Variants in CYSTM1 observed in about 807,000 individuals in gnomAD.
CYSTM1 encodes cysteine-rich transmembrane module-containing protein 1.
CYSTM1 carries 4 observed loss-of-function variants against 13.1 expected under a neutral mutation model. The ratio of observed to expected loss-of-function variants is 0.31; its 90% CI spans 0.15 to 0.70. CYSTM1 has a LOEUF of 0.70. Among genes scored for constraint, CYSTM1 ranks in the 30% least tolerant of loss-of-function variants. The pLI, the probability that CYSTM1 is intolerant of heterozygous loss-of-function variation, is 0.72. For missense variants in CYSTM1, 96 were observed against 121.6 expected (o/e 0.79, Z 0.99); for synonymous variants, 36 against 42.7 (o/e 0.84, Z 0.62).
chr5:140,228,640 G>C (rs1764587407), intron 2 of CYSTM1: 1 of 397,488 alleles, frequency 2.5e-6, no homozygotes, highest in Non-Finnish European at 4.4e-6. Context: ...AGTCTGCAGA[G>C]TGTGGTAAGT....
intron 2 of CYSTM1, among the ~76,000 whole-genome samples, chr5:140,212,983 G>GTGTGTATATATATATATA (rs1405430820): frequency 2.6e-5 from 3 of 114,302 alleles, no homozygotes; most frequent in South Asian, 3.6e-4. Flanking sequence ...CAAAACAAAA[G>GTGTGTATATATATATATA]TATATATATA....
At chr5:140,240,140 CCCAGAAAGGTGGTG>C (rs924942381) in intron 2 of CYSTM1, among the ~76,000 whole-genome samples, 39 of 152,032 alleles carry the variant, frequency 2.6e-4, no homozygotes, top group Non-Finnish European at 4.9e-4. Flanking sequence ...TACCAACGTG[CCCAGAAAGGTGGTG>C]CCTGTTACCA....
intron 1 of CYSTM1, among the ~76,000 whole-genome samples, chr5:140,180,311 A>G (rs937909895): frequency 4.6e-5 from 7 of 152,174 alleles, no homozygotes; most frequent in African/African-American, 1.7e-4. Flanking sequence ...TACAACATCC[A>G]TCTTTTAGAC....
intron 2 of CYSTM1, among the ~76,000 whole-genome samples, chr5:140,220,674 G>A (rs950124366): frequency 6.6e-6 from 1 of 152,146 alleles, no homozygotes; most frequent in Non-Finnish European, 1.5e-5. Context: ...AGGTGGGAAG[G>A]AGACTGAGCT....
chr5:140,233,571 G>T (rs137978785), intron 2 of CYSTM1, among the ~76,000 whole-genome samples: 1 of 152,328 alleles, frequency 6.6e-6, no homozygotes, highest in African/African-American at 2.4e-5. Flanking sequence ...CTTTTCCAAA[G>T]TGGCTTTGGC....
At chr5:140,197,221 C>T (rs1764169384) in intron 2 of CYSTM1, among the ~76,000 whole-genome samples, 1 of 152,134 alleles carries the variant, frequency 6.6e-6, no homozygotes, top group Non-Finnish European at 1.5e-5. Context: ...GGACTTTGTC[C>T]ACTGTTCATG....
At chr5:140,222,879 C>G (rs1764507659) in intron 2 of CYSTM1, among the ~76,000 whole-genome samples, 1 of 152,178 alleles carries the variant, frequency 6.6e-6, no homozygotes, top group African/African-American at 2.4e-5. Flanking sequence ...TTTCTTTGTT[C>G]TATTCTAATA....
chr5:140,241,369 A>G (rs545019091), intron 2 of CYSTM1, among the ~76,000 whole-genome samples: 1 of 152,316 alleles, frequency 6.6e-6, no homozygotes, highest in South Asian at 2.1e-4. Context: ...GGCGGTCATG[A>G]AGACTGAGTG....
chr5:140,183,713 C>T lies in CYSTM1; in HGVS notation c.-21+8428C>T, dbSNP rs192817679. Among the ~76,000 whole-genome samples, 419 of 152,324 alleles carry T rather than the reference C, an allele frequency of 2.8e-3. 1 individual carries two copies. Among genetic ancestry groups the T allele is most frequent in the South Asian group, 0.014 (69 of 4,830 alleles). The stretch of plus-strand genomic sequence containing the variant: ...CATTAGACAAGGGGCTGAGGCTTAC[C>T]TGTGGGGACCCTTCCATAAGCTGAA... On this transcript the variant is annotated intron_variant, in intron 1 of 2. Coordinates refer to ENST00000261811, the MANE Select transcript of CYSTM1 (RefSeq NM_032412.4).
intron 2 of CYSTM1, among the ~76,000 whole-genome samples, chr5:140,227,047 G>C (rs1216649465): frequency 1.3e-5 from 2 of 152,176 alleles, no homozygotes; most frequent in Non-Finnish European, 2.9e-5. Flanking sequence ...ACTGGGGTGA[G>C]GGGAGCCAGA....
At chr5:140,238,540 T>C (rs575776111) in intron 2 of CYSTM1, among the ~76,000 whole-genome samples, 62 of 152,276 alleles carry the variant, frequency 4.1e-4, no homozygotes, top group Non-Finnish European at 7.5e-4. Flanking sequence ...TGGCATTGCC[T>C]TTAGGACATT....
chr5:140,227,702 C>T (rs146589514), intron 2 of CYSTM1, among the ~76,000 whole-genome samples: 29 of 152,170 alleles, frequency 1.9e-4, no homozygotes, highest in African/African-American at 6.5e-4. Context: ...CTAAAGCCCC[C>T]GGAACTATCT....
At chr5:140,229,721 T>C (rs1264106393) in intron 2 of CYSTM1, among the ~76,000 whole-genome samples, 2 of 151,872 alleles carry the variant, frequency 1.3e-5, no homozygotes, top group African/African-American at 4.8e-5. Flanking sequence ...TTTTGAGACC[T>C]AGTTTTGCTC....
intron 1 of CYSTM1, among the ~76,000 whole-genome samples, chr5:140,190,334 A>G (rs1439730230): frequency 2.8e-5 from 4 of 143,796 alleles, no homozygotes; most frequent in Admixed American, 1.4e-4. Flanking sequence ...TCTGTTTTTT[A>G]TGTTGGAGGC....
chr5:140,212,477 C>CTTA (rs1201137656), intron 2 of CYSTM1, among the ~76,000 whole-genome samples: 4 of 152,076 alleles, frequency 2.6e-5, no homozygotes, highest in Admixed American at 6.5e-5. Context: ...GTGTTACTGG[C>CTTA]TTATGTGGTT....
At chr5:140,223,803 G>A (rs1027990289) in intron 2 of CYSTM1, among the ~76,000 whole-genome samples, 7 of 152,204 alleles carry the variant, frequency 4.6e-5, no homozygotes, top group African/African-American at 4.8e-5. Flanking sequence ...GCTGCACTGG[G>A]GTAGGCAAGC....
chr5:140,225,226 C>G (rs1374637499), intron 2 of CYSTM1, among the ~76,000 whole-genome samples: 1 of 152,238 alleles, frequency 6.6e-6, no homozygotes, highest in Non-Finnish European at 1.5e-5. Flanking sequence ...TGCCATGCAA[C>G]AAACTGTTTT....
intron 2 of CYSTM1, among the ~76,000 whole-genome samples, chr5:140,238,418 G>A (rs1020331463): frequency 5.3e-5 from 8 of 152,226 alleles, no homozygotes; most frequent in Non-Finnish European, 1.2e-4. Context: ...TTCCCTGGAA[G>A]GACAGAAGCT....
intron 2 of CYSTM1, among the ~76,000 whole-genome samples, chr5:140,222,131 C>T (rs1209842384): frequency 1.3e-5 from 2 of 152,198 alleles, no homozygotes; most frequent in Non-Finnish European, 2.9e-5. Context: ...AGACCTGGCT[C>T]TTAGGACTTG....
Sources: allele counts gnomAD v4.1 joint callset (sites outside exome capture counted in the v4.1 genomes callset), GRCh38; gene constraint gnomAD v4.1.1; transcripts MANE v1.5; gene names NCBI Gene and HGNC (gene_info 2026-07-23, HGNC 2026-07-21).